The following KLHL32 variants were observed in gnomAD, a reference collection of about 807,000 sequenced individuals.
KLHL32 encodes the protein kelch-like protein 32.
In KLHL32, 35 loss-of-function variants were observed where a neutral mutation model predicts 64.8. The ratio of observed to expected loss-of-function variants is 0.54; its 90% CI spans 0.41 to 0.72. The LOEUF is 0.72. Ranked by LOEUF, KLHL32 falls within the 30% of genes least tolerant of loss-of-function variation. The pLI is 0.00. For synonymous variants in KLHL32, 259 were observed against 281.0 expected (o/e 0.92, Z 0.78); for missense variants, 589 against 768.5 (o/e 0.77, Z 2.76).
the KLHL32 span, among the ~76,000 whole-genome samples, chr6:96,898,567 A>G: frequency 2.0e-5 from 3 of 151,948 alleles, no homozygotes; most frequent in Admixed American, 2.0e-4. Context: ...TATTTTTGCT[A>G]CTAATTTACT....
At chr6:96,918,794 G>C in the KLHL32 span, among the ~76,000 whole-genome samples, 1 of 152,252 alleles carries the variant, frequency 6.6e-6, no homozygotes, top group South Asian at 2.1e-4. Context: ...TACCAATTCT[G>C]ATTCCACTGG....
chr6:97,132,770 G>A (rs1423522853), intron 10 of KLHL32, 23 bp downstream of exon 10: 1 of 1,545,662 alleles, frequency 6.5e-7, no homozygotes, highest in East Asian at 2.3e-5. Context: ...AGTTCCTTTT[G>A]AAGTTTGTTC....
chr6:97,139,905 T>G lies in KLHL32; in HGVS notation c.*623T>G, dbSNP rs1459173391. 2 of 152,182 alleles carry G rather than the reference T, an allele frequency of 1.3e-5. No individual in the cohort carries two copies. The highest frequency in any genetic ancestry group is 2.4e-5 in the African/African-American group (1 of 41,452). 9.4% of individuals were successfully genotyped at this position (152,182 alleles called of 1,614,324 possible). A position where few individuals can be genotyped will look rare whatever the true frequency, so the allele number is the denominator to read the frequency against. On this transcript the variant is annotated 3_prime_UTR_variant, in exon 11 of 11. Coordinates refer to ENST00000369261, the MANE Select transcript of KLHL32 (RefSeq NM_052904.4). ...GGGTCAGAACCTAACTTTACAGTGC[T>G]TCAGTTTTCCCACCTTTTAAGGAGG... is the stretch of plus-strand genomic sequence containing the variant.
intron 1 of KLHL32, among the ~76,000 whole-genome samples, chr6:96,956,326 G>A (rs1157009666): frequency 6.6e-6 from 1 of 152,198 alleles, no homozygotes; most frequent in Non-Finnish European, 1.5e-5. Flanking sequence ...GAGATGTGGA[G>A]AAATGTAGTA....
intron 3 of KLHL32, among the ~76,000 whole-genome samples, chr6:96,987,196 A>G (rs199865563): frequency 1.4e-4 from 21 of 152,064 alleles, no homozygotes; most frequent in African/African-American, 5.1e-4. Context: ...GGGTTTTTTG[A>G]GTCTCTATTT....
intron 3 of KLHL32, among the ~76,000 whole-genome samples, chr6:97,037,127 A>G (rs1784417270): frequency 6.6e-6 from 1 of 152,084 alleles, no homozygotes; most frequent in Admixed American, 6.5e-5. Flanking sequence ...GCTTTAAGAT[A>G]TTTTGAATAT....
the KLHL32 span, among the ~76,000 whole-genome samples, chr6:96,907,509 A>G: frequency 2.0e-5 from 3 of 152,212 alleles, no homozygotes; most frequent in African/African-American, 7.2e-5. Flanking sequence ...AGTGTTTTCA[A>G]TGAATCTGAG....
At chr6:97,086,051 C>A (rs944020697) in intron 6 of KLHL32, among the ~76,000 whole-genome samples, 3 of 152,194 alleles carry the variant, frequency 2.0e-5, no homozygotes, top group African/African-American at 7.2e-5. Flanking sequence ...AGTCAGAGAG[C>A]CTATCTTCCT....
rs1288180503 is a variant in KLHL32 at position 97,140,508 on chromosome 6, A to G, written c.*1226A>G. The G allele has an allele frequency of 6.6e-6, 1 of 152,044 alleles. No individual in the cohort carries two copies. Among genetic ancestry groups the G allele is most frequent in the Non-Finnish European group, 1.5e-5 (1 of 67,896 alleles). 9.4% of individuals were successfully genotyped at this position (152,044 alleles called of 1,614,324 possible). ...TAGTTTTTGGGTTTGCTTTGTCTATAACAAAAAATAAATACAACAACTTAA... is the reference window on the plus strand; with the variant it reads ...TAGTTTTTGGGTTTGCTTTGTCTATGACAAAAAATAAATACAACAACTTAA... On this transcript the variant is annotated 3_prime_UTR_variant, in exon 11 of 11. Transcript: ENST00000369261.
intron 3 of KLHL32, among the ~76,000 whole-genome samples, chr6:96,976,888 C>G (rs1179349430): frequency 1.3e-5 from 2 of 152,148 alleles, no homozygotes; most frequent in Non-Finnish European, 2.9e-5. Flanking sequence ...CACACACCAC[C>G]GCGGCCAGCC....
chr6:96,960,309 G>A (rs1469456948), intron 1 of KLHL32, among the ~76,000 whole-genome samples: 1 of 151,920 alleles, frequency 6.6e-6, no homozygotes. Context: ...AACAATTCTC[G>A]TTTACCGTAC....
At chr6:96,938,543 C>G (rs1324093696) in intron 1 of KLHL32, among the ~76,000 whole-genome samples, 1 of 152,162 alleles carries the variant, frequency 6.6e-6, no homozygotes, top group Admixed American at 6.5e-5. Flanking sequence ...GGTATTAAGG[C>G]TGCCTGTGGA....
intron 3 of KLHL32, among the ~76,000 whole-genome samples, chr6:96,989,029 C>T (rs1457367002): frequency 6.6e-6 from 1 of 152,138 alleles, no homozygotes; most frequent in Non-Finnish European, 1.5e-5. Flanking sequence ...GGGTGCAGCA[C>T]ACCAGCATGG....
chr6:97,069,844 A>G (rs1416541017), intron 5 of KLHL32, among the ~76,000 whole-genome samples: 1 of 152,110 alleles, frequency 6.6e-6, no homozygotes, highest in Non-Finnish European at 1.5e-5. Flanking sequence ...GACACTGAGG[A>G]GCTCACATAT....
intron 3 of KLHL32, among the ~76,000 whole-genome samples, chr6:96,996,916 G>C (rs1778476786): frequency 6.6e-6 from 1 of 152,080 alleles, no homozygotes; most frequent in South Asian, 2.1e-4. Context: ...GGTTAAGTAA[G>C]AGCTGATGAT....
intron 1 of KLHL32, among the ~76,000 whole-genome samples, chr6:96,947,836 C>T (rs1395707758): frequency 1.3e-5 from 2 of 152,120 alleles, no homozygotes; most frequent in Non-Finnish European, 1.5e-5. Context: ...TGTCCAGAGT[C>T]ACACTGGTAG....
At chr6:96,967,472 TATAG>T (rs1414742034) in intron 2 of KLHL32, among the ~76,000 whole-genome samples, 1 of 151,042 alleles carries the variant, frequency 6.6e-6, no homozygotes, top group Non-Finnish European at 1.5e-5. Flanking sequence ...TGTATATATA[TATAG>T]AGAGAGAGAT....
intron 3 of KLHL32, 74 bp from the exon 4 acceptor site, chr6:97,041,411 TCCCCTAG>T: frequency 2.4e-6 from 2 of 838,212 alleles, no homozygotes; most frequent in Admixed American, 2.3e-5. Flanking sequence ...AACTTTTTTT[TCCCCTAG>T]TCTCTCTAGA....
At chr6:96,926,901 C>A (rs2127986175) in intron 1 of KLHL32, among the ~76,000 whole-genome samples, 1 of 152,246 alleles carries the variant, frequency 6.6e-6, no homozygotes, top group South Asian at 2.1e-4. Context: ...AGCCTGTGGC[C>A]TGCTAGTTAG....
Sources: allele counts gnomAD v4.1 joint callset (sites outside exome capture counted in the v4.1 genomes callset), GRCh38; gene constraint gnomAD v4.1.1; transcripts MANE v1.5; gene names NCBI Gene and HGNC (gene_info 2026-07-23, HGNC 2026-07-21).